UNC13C: variants seen among roughly 807,000 people sequenced by gnomAD.
UNC13C encodes unc-13 homolog C, also known as protein unc-13 homolog C.
UNC13C carries 174 observed loss-of-function variants against 245.4 expected under a neutral mutation model. The ratio of observed to expected loss-of-function variants is 0.71; its 90% CI spans 0.63 to 0.80. The LOEUF (loss-of-function observed/expected upper bound fraction) is 0.80, where lower values mean the gene tolerates loss of function less well. UNC13C is among the 30% of genes least tolerant of loss of function. The pLI is 0.00. For missense variants in UNC13C, 2,829 were observed against 2,602.9 expected (o/e 1.09, Z -1.89); for synonymous variants, 992 against 895.1 (o/e 1.11, Z -1.93).
At chr15:54,511,301 C>G (rs1450915174) in intron 23 of UNC13C, among the ~76,000 whole-genome samples, 1 of 152,126 alleles carries the variant, frequency 6.6e-6, no homozygotes, top group Non-Finnish European at 1.5e-5. Flanking sequence ...AGCATGTGGT[C>G]TTTACCTGCA....
In UNC13C at chr15:54,393,045, C is replaced by A. The variant is rs548185767; in HGVS notation, c.4714-3C>A. On this transcript the variant is annotated splice_region_variant and splice_polypyrimidine_tract_variant and intron_variant, in intron 17 of 32. Transcript: ENST00000260323. ...TTTGCATGTTGCGTGAACTTGTGAG[C>A]AGAGTAAGAAACAGGATATTCCTCG... 40 of 1,588,226 alleles carry A rather than the reference C, an allele frequency of 2.5e-5. No homozygotes were observed. The highest frequency in any genetic ancestry group is 3.0e-5 in the Non-Finnish European group (35 of 1,170,680).
chr15:54,364,435 T>G (rs998569032), intron 17 of UNC13C, among the ~76,000 whole-genome samples: 15 of 152,164 alleles, frequency 9.9e-5, no homozygotes, highest in African/African-American at 3.6e-4. Context: ...ACATCAGAAT[T>G]TGAGCAGGGT....
chr15:54,628,507 T>TGTTAG lies in UNC13C; in HGVS notation c.*1396_*1400dup, dbSNP rs946599063. The TGTTAG allele has an allele frequency of 1.3e-5, 2 of 152,608 alleles. No individual in the cohort carries two copies. The highest frequency in any genetic ancestry group is 4.8e-5 in the African/African-American group (2 of 41,452). 9.5% of individuals were successfully genotyped at this position (152,608 alleles called of 1,614,324 possible). On this transcript the variant is annotated 3_prime_UTR_variant, in exon 33 of 33. Coordinates refer to ENST00000260323, the MANE Select transcript of UNC13C (RefSeq NM_001080534.3). ...TGAGGTGAGCTAATTCATGTTAAAC[T>TGTTAG]GTTAGGCCACTGCTTTGTTAATGAC...
intron 19 of UNC13C, among the ~76,000 whole-genome samples, chr15:54,438,219 C>A (rs965651667): frequency 6.6e-6 from 1 of 151,842 alleles, no homozygotes; most frequent in African/African-American, 2.4e-5. Flanking sequence ...TTCTAAACTG[C>A]ATAAAGTCAG....
At chr15:53,935,550 A>G in the UNC13C span, among the ~76,000 whole-genome samples, 1 of 152,230 alleles carries the variant, frequency 6.6e-6, no homozygotes, top group Non-Finnish European at 1.5e-5. Flanking sequence ...ATTTGGAAGC[A>G]GATACAGTCC....
chr15:54,497,718 A>T (rs1028301728), intron 20 of UNC13C, among the ~76,000 whole-genome samples: 1 of 152,116 alleles, frequency 6.6e-6, no homozygotes, highest in African/African-American at 2.4e-5. Flanking sequence ...TTGCAGCAGT[A>T]ACCACCTTCT....
At chr15:54,101,785 C>T (rs1299276640) in intron 2 of UNC13C, among the ~76,000 whole-genome samples, 1 of 151,882 alleles carries the variant, frequency 6.6e-6, no homozygotes. Context: ...GGGGTTTCAC[C>T]ATATTGGTCA....
At chr15:53,952,798 T>TA in the UNC13C span, among the ~76,000 whole-genome samples, 1 of 152,224 alleles carries the variant, frequency 6.6e-6, no homozygotes. Context: ...CCATCCTTCT[T>TA]ACTTAAAGTA....
intron 19 of UNC13C, among the ~76,000 whole-genome samples, chr15:54,445,335 A>G (rs1274865666): frequency 6.6e-6 from 1 of 152,148 alleles, no homozygotes; most frequent in Non-Finnish European, 1.5e-5. Context: ...ATACCCAGTA[A>G]TGGGATGGCT....
rs28429572 is a variant in UNC13C, at chr15:54,234,979, A to C, written c.3072-51A>C. ...ACCATGAACAGTGGATGTTTTTCTT[A>C]CAAGAAGTCATTTTACCCATTGCAA... On this transcript the variant is annotated intron_variant, in intron 4 of 32. Coordinates refer to ENST00000260323, the MANE Select transcript of UNC13C (RefSeq NM_001080534.3). The C allele has an allele frequency of 3.9e-6, 6 of 1,527,878 alleles. No homozygotes were observed. The South Asian group carries it at 6.8e-5, about 17-fold the overall frequency. The allele number at this position is 1,527,878 out of a possible 1,614,324, so 94.6% of individuals were successfully genotyped here. A position where few individuals can be genotyped will look rare whatever the true frequency, so the allele number is the denominator to read the frequency against.
At chr15:53,897,007 T>C in the UNC13C span, among the ~76,000 whole-genome samples, 1 of 152,178 alleles carries the variant, frequency 6.6e-6, no homozygotes, top group South Asian at 2.1e-4. Flanking sequence ...ATGTAATTAC[T>C]TTAAGACTGT....
At chr15:54,089,032 G>T (rs1899411481) in intron 2 of UNC13C, among the ~76,000 whole-genome samples, 1 of 152,116 alleles carries the variant, frequency 6.6e-6, no homozygotes, top group Non-Finnish European at 1.5e-5. Flanking sequence ...ACATACCACA[G>T]GCTCATGCCC....
rs191959957 is a variant in UNC13C, at chr15:54,054,464, G to A, written c.2983+38578G>A. Among the ~76,000 whole-genome samples, 179 of 152,250 alleles carry A rather than the reference G, an allele frequency of 1.2e-3. 1 individual carries two copies. Among genetic ancestry groups the A allele is most frequent in the Non-Finnish European group, 2.0e-3 (137 of 68,010 alleles). ...TGATTTCCTGCTAACAGAATTTTGT[G>A]AATAGAATTAAATGTTATGAATCTA... On this transcript the variant is annotated intron_variant, in intron 2 of 32. Transcript: ENST00000260323.
the UNC13C span, among the ~76,000 whole-genome samples, chr15:53,900,530 T>C: frequency 4.3e-4 from 66 of 152,322 alleles, no homozygotes; most frequent in African/African-American, 1.5e-3. Flanking sequence ...TTTGGACTCA[T>C]TGTTAGGAAA....
At chr15:54,321,605 C>A in intron 13 of UNC13C, 1 of 370,118 alleles carries the variant, frequency 2.7e-6, no homozygotes. Flanking sequence ...TTTTTCAAAG[C>A]TTAACCCTCT....
At chr15:54,555,832 C>G (rs1201379507) in intron 29 of UNC13C, among the ~76,000 whole-genome samples, 1 of 152,004 alleles carries the variant, frequency 6.6e-6, no homozygotes, top group Admixed American at 6.6e-5. Context: ...CACATGTTCT[C>G]AAAGACATGT....
the UNC13C span, among the ~76,000 whole-genome samples, chr15:53,891,101 C>G: frequency 3.9e-5 from 6 of 152,090 alleles, 1 homozygote; most frequent in Non-Finnish European, 7.4e-5. Flanking sequence ...ATCTTTATTT[C>G]TGCCTTCATT....
chr15:54,583,337 C>G (rs866342166), intron 30 of UNC13C, among the ~76,000 whole-genome samples: 1 of 152,004 alleles, frequency 6.6e-6, no homozygotes, highest in Non-Finnish European at 1.5e-5. Flanking sequence ...TTTACAGCCT[C>G]AAAAGAATAT....
At chr15:54,051,408 T>C (rs976785979) in intron 2 of UNC13C, among the ~76,000 whole-genome samples, 43 of 152,232 alleles carry the variant, frequency 2.8e-4, no homozygotes, top group African/African-American at 1.0e-3. Context: ...ATTTATATAA[T>C]ATACAAACTT....
Sources: gnomAD v4.1 joint callset for allele counts (sites outside exome capture counted in the v4.1 genomes callset) on GRCh38, gnomAD v4.1.1 for gene constraint, MANE v1.5 for transcripts, NCBI Gene and HGNC (gene_info 2026-07-23, HGNC 2026-07-21) for gene names.